The following EBF1 variants were observed in gnomAD, a reference collection of about 807,000 sequenced individuals.
EBF1 encodes the protein EBF transcription factor 1.
Under a neutral mutation model 68.4 loss-of-function variants are expected in EBF1, and 10 were observed. That is an observed-to-expected ratio of 0.15 (90% CI 0.09 to 0.25). The LOEUF is 0.25. EBF1 is among the 10% of genes least tolerant of loss of function. EBF1 has a pLI of 1.00. For synonymous variants in EBF1, 298 were observed against 299.8 expected (o/e 0.99, Z 0.06); for missense variants, 509 against 794.4 (o/e 0.64, Z 4.32).
intron 6 of EBF1, 46 bp from the exon 7 acceptor site, chr5:158,840,156 C>G: frequency 6.7e-7 from 1 of 1,492,956 alleles, no homozygotes; most frequent in East Asian, 2.3e-5. Context: ...GTTTCTGACA[C>G]GGGAGGGAAA....
chr5:158,713,968 A>G, intron 12 of EBF1, 149 bp downstream of exon 12: 1 of 726,234 alleles, frequency 1.4e-6, no homozygotes, highest in Non-Finnish European at 2.3e-6. Flanking sequence ...GGATTGAATC[A>G]TCTTGCAACA....
chr5:158,843,420 G>A (rs1299815767), intron 6 of EBF1, among the ~76,000 whole-genome samples: 1 of 152,214 alleles, frequency 6.6e-6, no homozygotes, highest in Non-Finnish European at 1.5e-5. Flanking sequence ...ATGAGCTGGG[G>A]CAGGGCGCCT....
chr5:158,975,741 G>T (rs1583599469), intron 6 of EBF1, among the ~76,000 whole-genome samples: 2 of 152,164 alleles, frequency 1.3e-5, no homozygotes, highest in South Asian at 4.1e-4. Context: ...ATAAACAACT[G>T]GGGGGTCAGA....
chr5:159,074,344 T>C (rs563415662), intron 5 of EBF1, among the ~76,000 whole-genome samples: 1 of 152,180 alleles, frequency 6.6e-6, no homozygotes, highest in Non-Finnish European at 1.5e-5. Flanking sequence ...CAGAAAACGA[T>C]CCATCTGAAA....
intron 6 of EBF1, among the ~76,000 whole-genome samples, chr5:159,025,396 G>A (rs1441422061): frequency 1.3e-5 from 2 of 152,200 alleles, no homozygotes; most frequent in African/African-American, 4.8e-5. Context: ...AAAGCATCTG[G>A]GATGTCCCAC....
At chr5:158,825,940 CTG>C (rs1278305857) in intron 7 of EBF1, among the ~76,000 whole-genome samples, 1 of 150,894 alleles carries the variant, frequency 6.6e-6, no homozygotes, top group Non-Finnish European at 1.5e-5. Flanking sequence ...AAAAAAAACA[CTG>C]TGAGATGCAA....
chr5:159,074,526 G>T (rs573739463), intron 5 of EBF1, among the ~76,000 whole-genome samples: 2 of 152,108 alleles, frequency 1.3e-5, no homozygotes, highest in African/African-American at 2.4e-5. Flanking sequence ...ACACATACGC[G>T]CACACTTACA....
At chr5:158,917,504 A>C (rs957444566) in intron 6 of EBF1, among the ~76,000 whole-genome samples, 5 of 152,220 alleles carry the variant, frequency 3.3e-5, no homozygotes, top group Non-Finnish European at 7.3e-5. Flanking sequence ...GATGTTTCTC[A>C]AGGGTCATGT....
At chr5:158,746,145 G>A (rs899856182) in intron 10 of EBF1, among the ~76,000 whole-genome samples, 5 of 152,156 alleles carry the variant, frequency 3.3e-5, no homozygotes, top group African/African-American at 1.2e-4. Flanking sequence ...GTTCTCCTAA[G>A]GTACACGCAT....
rs113891309 is a variant in EBF1 at position 158,869,234 on chromosome 5, C to T, written c.555-29124G>A. Among the ~76,000 whole-genome samples the T allele has an allele frequency of 3.2e-3, 487 of 152,248 alleles. 1 individual carries two copies. Among genetic ancestry groups the T allele is most frequent in the Non-Finnish European group, 6.2e-3 (420 of 68,006 alleles). ...AAGATATCAACCCAGGAGGAGACAG[C>T]TGAAAAGTGCTTTTCCCAGCAGAGA... On this transcript the variant is annotated intron_variant, in intron 6 of 15. Transcript: ENST00000313708.
intron 10 of EBF1, among the ~76,000 whole-genome samples, chr5:158,751,126 T>G (rs1034155069): frequency 1.3e-5 from 2 of 152,194 alleles, no homozygotes; most frequent in Non-Finnish European, 2.9e-5. Context: ...ATATTTGTTA[T>G]GTATAGAAAA....
chr5:158,940,020 T>C (rs893598829), intron 6 of EBF1, among the ~76,000 whole-genome samples: 7 of 152,226 alleles, frequency 4.6e-5, no homozygotes, highest in Non-Finnish European at 5.9e-5. Flanking sequence ...GCTTTCCTGC[T>C]CTCTTTCTAA....
intron 8 of EBF1, among the ~76,000 whole-genome samples, chr5:158,819,010 G>A (rs191130482): frequency 4.6e-4 from 70 of 151,674 alleles, no homozygotes; most frequent in African/African-American, 1.6e-3. Context: ...TCCTACTGGT[G>A]GGTGAGCTCT....
chr5:159,099,386 C>A lies in EBF1; in HGVS notation c.93G>T (p.Met31Ile). Residue 31 changes from methionine (M) to isoleucine (I), a missense_variant, in exon 1 of 16, where the codon ATG becomes ATT. Around this residue, in one of 3 missense-constraint regions of EBF1, gnomAD observed 74 missense variants for 79.4 expected, o/e 0.93. Coordinates refer to ENST00000313708, the MANE Select transcript of EBF1 (RefSeq NM_024007.5). ...GSGMNAVRTW[M>I]QGAGVLDANT... is the part of the protein sequence containing the mutation. ...TGGCGTCCAGCACCCCGGCGCCCTGCATCCACGTCCGCACCGCGTTCATGC... is the reference window on the plus strand; with the variant it reads ...TGGCGTCCAGCACCCCGGCGCCCTGAATCCACGTCCGCACCGCGTTCATGC... 6.3e-7 allele frequency: 1 copy of A among 1,598,480 alleles called. No homozygotes were observed. The highest frequency in any genetic ancestry group is 8.5e-7 in the Non-Finnish European group (1 of 1,172,966).
At chr5:158,805,508 T>C (rs915449137) in intron 8 of EBF1, among the ~76,000 whole-genome samples, 1 of 152,140 alleles carries the variant, frequency 6.6e-6, no homozygotes, top group Non-Finnish European at 1.5e-5. Context: ...AATTCAGCAA[T>C]AAAAACATAG....
chr5:158,931,535 C>G (rs1413214743), intron 6 of EBF1, among the ~76,000 whole-genome samples: 1 of 152,192 alleles, frequency 6.6e-6, no homozygotes, highest in Non-Finnish European at 1.5e-5. Flanking sequence ...TCAGGAAATG[C>G]AAACATCAGT....
intron 6 of EBF1, among the ~76,000 whole-genome samples, chr5:158,962,463 G>T (rs1218275703): frequency 2.0e-5 from 3 of 152,144 alleles, no homozygotes; most frequent in African/African-American, 7.2e-5. Flanking sequence ...GATCACAGTT[G>T]CCAGTTTGCA....
At chr5:159,080,013 A>G (rs1779473585) in intron 5 of EBF1, among the ~76,000 whole-genome samples, 1 of 152,106 alleles carries the variant, frequency 6.6e-6, no homozygotes, top group Non-Finnish European at 1.5e-5. Context: ...CCCCCCAAGA[A>G]TATAGCCATG....
At chr5:158,835,498 C>T (rs1788552044) in intron 7 of EBF1, among the ~76,000 whole-genome samples, 1 of 152,164 alleles carries the variant, frequency 6.6e-6, no homozygotes, top group Non-Finnish European at 1.5e-5. Context: ...GATTGTGTGT[C>T]AATGTTCTTC....
Sources: allele counts gnomAD v4.1 joint callset (sites outside exome capture counted in the v4.1 genomes callset), GRCh38; gene constraint gnomAD v4.1.1; regional missense constraint gnomAD v4.1.1; transcripts MANE v1.5; gene names NCBI Gene and HGNC (gene_info 2026-07-23, HGNC 2026-07-21).